KLF12: variants seen among roughly 807,000 people sequenced by gnomAD.
The protein encoded by KLF12 is KLF transcription factor 12, also known as Krueppel-like factor 12.
In KLF12, 9 loss-of-function variants were observed where a neutral mutation model predicts 37.8. The ratio of observed to expected loss-of-function variants is 0.24; its 90% CI spans 0.14 to 0.42. The LOEUF (loss-of-function observed/expected upper bound fraction) is 0.42, where lower values mean the gene tolerates loss of function less well. KLF12 is among the 10% of genes least tolerant of loss of function. The pLI is 1.00. For synonymous variants in KLF12, 208 were observed against 202.1 expected (o/e 1.03, Z -0.25); for missense variants, 411 against 516.0 (o/e 0.80, Z 1.97).
At chr13:73,871,302 G>A (rs567314883) in intron 3 of KLF12, among the ~76,000 whole-genome samples, 1 of 152,256 alleles carries the variant, frequency 6.6e-6, no homozygotes, top group African/African-American at 2.4e-5. Context: ...TCAATGATGG[G>A]GAGGCAGACC....
chr13:74,062,591 A>C (rs1214193938), intron 1 of KLF12, among the ~76,000 whole-genome samples: 1 of 152,214 alleles, frequency 6.6e-6, no homozygotes, highest in Non-Finnish European at 1.5e-5. Flanking sequence ...AATGCAATTT[A>C]CAAGTATTTT....
chr13:74,147,698 C>T, the KLF12 span, among the ~76,000 whole-genome samples: 1 of 152,052 alleles, frequency 6.6e-6, no homozygotes, highest in Non-Finnish European at 1.5e-5. Context: ...CCTATGCTTG[C>T]TTCTTTTTTC....
chr13:74,007,605 C>A lies in KLF12; in HGVS notation c.-31-12552G>T, dbSNP rs547346870. 3.3e-5 allele frequency among the ~76,000 whole-genome samples: 5 copies of A among 152,090 alleles called. No homozygotes were observed. The South Asian group carries it at 1.0e-3, about 31-fold the overall frequency. On this transcript the variant is annotated intron_variant, in intron 1 of 7. Coordinates refer to ENST00000377669, the MANE Select transcript of KLF12 (RefSeq NM_007249.5). Reference sequence around the variant, plus strand: ...AAGGGTATTTTTCATTACCCCAATACAGCTAATGTCGGAGGTTCTAGCAAG... The same window carrying A: ...AAGGGTATTTTTCATTACCCCAATAAAGCTAATGTCGGAGGTTCTAGCAAG...
At chr13:74,146,253 G>A in the KLF12 span, among the ~76,000 whole-genome samples, 21 of 152,160 alleles carry the variant, frequency 1.4e-4, no homozygotes, top group Non-Finnish European at 2.8e-4. Flanking sequence ...CTTTCCTGCC[G>A]CTCTATGAGC....
intron 5 of KLF12, among the ~76,000 whole-genome samples, chr13:73,810,579 T>TTA (rs1382088844): frequency 5.3e-5 from 8 of 151,914 alleles, no homozygotes; most frequent in Non-Finnish European, 1.0e-4. Flanking sequence ...TAAGCATACT[T>TTA]TAGATTTTAG....
intron 5 of KLF12, among the ~76,000 whole-genome samples, chr13:73,793,144 C>G (rs1001743187): frequency 6.6e-6 from 1 of 152,200 alleles, no homozygotes; most frequent in Non-Finnish European, 1.5e-5. Flanking sequence ...ACTACCATCT[C>G]TTGAGGTTTT....
chr13:74,048,756 G>T (rs894248649), intron 1 of KLF12, among the ~76,000 whole-genome samples: 1 of 152,120 alleles, frequency 6.6e-6, no homozygotes, highest in African/African-American at 2.4e-5. Flanking sequence ...GACTGATTAT[G>T]AACCTTGACT....
chr13:74,229,413 C>T, the KLF12 span, among the ~76,000 whole-genome samples: 1 of 152,152 alleles, frequency 6.6e-6, no homozygotes, highest in African/African-American at 2.4e-5. Flanking sequence ...ACGAGTTCTA[C>T]CTGCACTTGG....
the KLF12 span, among the ~76,000 whole-genome samples, chr13:74,141,044 G>A: frequency 6.6e-6 from 1 of 151,994 alleles, no homozygotes; most frequent in Non-Finnish European, 1.5e-5. Context: ...CAGCCTGGGT[G>A]ACAGAGGGAG....
the KLF12 span, among the ~76,000 whole-genome samples, chr13:74,299,787 T>C: frequency 6.6e-6 from 1 of 152,172 alleles, no homozygotes; most frequent in African/African-American, 2.4e-5. Flanking sequence ...TTCTTCTCCT[T>C]TTTTAAGGCT....
intron 5 of KLF12, among the ~76,000 whole-genome samples, chr13:73,783,047 A>G (rs1881075033): frequency 6.6e-6 from 1 of 152,236 alleles, no homozygotes; most frequent in African/African-American, 2.4e-5. Flanking sequence ...TGCTGGAATC[A>G]TTCCACACCA....
At chr13:74,283,048 C>CA in the KLF12 span, among the ~76,000 whole-genome samples, 9 of 151,974 alleles carry the variant, frequency 5.9e-5, no homozygotes, top group East Asian at 1.7e-3. Flanking sequence ...AAAAAGTGTC[C>CA]AAAAAAGACA....
At chr13:73,728,951 C>T (rs1050907906) in intron 6 of KLF12, among the ~76,000 whole-genome samples, 1 of 152,166 alleles carries the variant, frequency 6.6e-6, no homozygotes, top group Non-Finnish European at 1.5e-5. Flanking sequence ...TTCTCATTAA[C>T]CTTGGGCTTC....
At chr13:73,746,584 T>A (rs951328160) in intron 6 of KLF12, among the ~76,000 whole-genome samples, 13 of 152,312 alleles carry the variant, frequency 8.5e-5, no homozygotes, top group East Asian at 5.8e-4. Flanking sequence ...TTTATATTAA[T>A]TCTGAGCATT....
At chr13:73,953,970 C>CTTTTTTTTTTTTTTT (rs67945624) in intron 2 of KLF12, among the ~76,000 whole-genome samples, 1 of 88,534 alleles carries the variant, frequency 1.1e-5, no homozygotes, top group Non-Finnish European at 2.2e-5. Flanking sequence ...TTTTTTCTTT[C>CTTTTTTTTTTTTTTT]TTTTTTTTTT....
the KLF12 span, among the ~76,000 whole-genome samples, chr13:74,181,958 C>T: frequency 1.3e-5 from 2 of 151,948 alleles, no homozygotes; most frequent in Non-Finnish European, 2.9e-5. Context: ...ATATATATGC[C>T]TAACACACAT....
intron 1 of KLF12, among the ~76,000 whole-genome samples, chr13:74,004,772 T>C (rs1892368419): frequency 6.6e-6 from 1 of 152,228 alleles, no homozygotes; most frequent in Non-Finnish European, 1.5e-5. Context: ...TTTAAGTTTC[T>C]CCACTAATTA....
At chr13:74,028,580 G>A (rs1324916) in intron 1 of KLF12, among the ~76,000 whole-genome samples, 148,788 of 152,142 alleles carry the variant, frequency 0.98, 72,848 homozygotes, top group East Asian at 1. Context: ...AAACATTAAA[G>A]TAGATTCCAA....
At chr13:74,068,729 G>T (rs1055972505) in intron 1 of KLF12, among the ~76,000 whole-genome samples, 6 of 151,778 alleles carry the variant, frequency 4.0e-5, no homozygotes, top group African/African-American at 1.2e-4. Context: ...GCTAATTTTC[G>T]TATTTTTAGT....
Sources: gnomAD v4.1 joint callset for allele counts (sites outside exome capture counted in the v4.1 genomes callset) on GRCh38, gnomAD v4.1.1 for gene constraint, MANE v1.5 for transcripts, NCBI Gene and HGNC (gene_info 2026-07-23, HGNC 2026-07-21) for gene names.